Variants in LAMA5 observed in about 807,000 individuals in gnomAD.
LAMA5 encodes the protein laminin subunit alpha-5.
Under a neutral mutation model 433.4 loss-of-function variants are expected in LAMA5, and 260 were observed. The ratio of observed to expected loss-of-function variants is 0.60; its 90% confidence interval spans 0.54 to 0.66. The LOEUF (loss-of-function observed/expected upper bound fraction) is 0.66. Ranked by LOEUF, LAMA5 falls within the 30% of genes least tolerant of loss-of-function variation. LAMA5 has a pLI of 0.00. For missense variants in LAMA5, 5,378 were observed against 5,258.5 expected, an observed-to-expected ratio of 1.02 and a Z score of -0.70; for synonymous variants, 2,620 against 2,226.6, an observed-to-expected ratio of 1.18 and a Z score of -4.97.
At chr20:62,345,929 C>T in intron 10 of LAMA5, 52 bp from the exon 11 acceptor site, 2 of 1,552,870 alleles carry the variant, frequency 1.3e-6, no homozygotes, top group Middle Eastern at 1.7e-4. Flanking sequence ...ACCCTAGCAC[C>T]CTACACCCCC....
rs375474277 is a variant in LAMA5, at chr20:62,312,487, G to C, written c.9273C>G (p.Val3091=). The C allele has an allele frequency of 1.3e-6, 2 of 1,598,506 alleles. No individual in the cohort carries two copies. Among genetic ancestry groups the C allele is most frequent in the African/African-American group, 1.3e-5 (1 of 74,918 alleles). Reference sequence around the variant, plus strand: ...ACTTGCCCAGGGCCTTGATGCCTTTGACGCAGCCACGGACTGAGCCTCCGG... The same window carrying C: ...ACTTGCCCAGGGCCTTGATGCCTTTCACGCAGCCACGGACTGAGCCTCCGG... ...FPTGGSVRGC[V]KGIKALGKYV... Residue 3091 remains valine (V), a synonymous_variant, in exon 68 of 80, where the codon GTC becomes GTG. Coordinates refer to ENST00000252999, the MANE Select transcript of LAMA5 (RefSeq NM_005560.6).
intron 31 of LAMA5, 135 bp downstream of exon 31, chr20:62,330,353 T>C: frequency 7.9e-7 from 1 of 1,271,272 alleles, no homozygotes; most frequent in African/African-American, 1.5e-5. Context: ...CAAGGGCAGC[T>C]AGTTTGAGAA....
chr20:62,339,663 G>T (rs1982278378), intron 11 of LAMA5, among the ~76,000 whole-genome samples: 1 of 152,310 alleles, frequency 6.6e-6, no homozygotes, highest in South Asian at 2.1e-4. Flanking sequence ...TGTCAAAAAT[G>T]TAAGAGTAAC....
At position 62,346,245 on chromosome 20, in the gene LAMA5, G is replaced by A. The variant is rs368341541; in HGVS notation, c.1283-30C>T. On this transcript the variant is annotated intron_variant, in intron 9 of 79. Coordinates refer to ENST00000252999, the MANE Select transcript of LAMA5 (RefSeq NM_005560.6). Reference sequence around the variant, plus strand: ...GCAGGGGCAGGAGCCGGGTAAGCCTGGAGCTACCAGGACTCAAGGGGTGGG... The same window carrying A: ...GCAGGGGCAGGAGCCGGGTAAGCCTAGAGCTACCAGGACTCAAGGGGTGGG... 9.6e-5 allele frequency: 153 copies of A among 1,597,728 alleles called. 1 individual carries two copies. The African/African-American group carries it at 1.6e-3, about 17-fold the overall frequency.
In LAMA5 at chr20:62,311,054, C is replaced by T. The variant is rs1198398128; in HGVS notation, c.10129G>A (p.Gly3377Ser). 2 of 1,601,606 alleles carry T rather than the reference C, an allele frequency of 1.2e-6. No homozygotes were observed. Among genetic ancestry groups the T allele is most frequent in the Non-Finnish European group, 1.7e-6 (2 of 1,174,098 alleles). ...SMHVLPRSSR[G>S]LLLFTARLRP... ...AGACGGGCAGTGAAGAGGAGGAGGC[C>T]TCGGGAGCTTCGCGGGAGGACGTGC... The change falls in exon 74 of 80, where the codon GGC (glycine) becomes AGC (serine). Residue 3377 changes from glycine (G) to serine (S), a missense_variant. By Grantham distance (56) the Gly-to-Ser change is moderately conservative (BLOSUM62 0). Transcript: ENST00000252999.
intron 76 of LAMA5, 21 bp from the exon 77 acceptor site, chr20:62,310,332 G>A (rs889746484): frequency 1.4e-5 from 22 of 1,582,964 alleles, no homozygotes; most frequent in Non-Finnish European, 1.8e-5. Flanking sequence ...GGGTTGTGAT[G>A]GAGAAGAAAG....
intron 11 of LAMA5, among the ~76,000 whole-genome samples, chr20:62,341,457 G>C (rs1433721509): frequency 6.6e-6 from 1 of 152,198 alleles, no homozygotes; most frequent in Non-Finnish European, 1.5e-5. Flanking sequence ...GAGCAGTCCT[G>C]TGTTGTAGGA....
At chr20:62,319,329 CG>C (rs938918259) in intron 51 of LAMA5, among the ~76,000 whole-genome samples, 1 of 152,168 alleles carries the variant, frequency 6.6e-6, no homozygotes, top group African/African-American at 2.4e-5. Context: ...CACCCCCTGC[CG>C]ACCCCCAGGC....
At chr20:62,362,021 C>T (rs889129575) in intron 2 of LAMA5, among the ~76,000 whole-genome samples, 6 of 152,228 alleles carry the variant, frequency 3.9e-5, no homozygotes, top group African/African-American at 1.2e-4. Context: ...GCAGCCCCTC[C>T]CGCACCTGCC....
At chr20:62,318,319 G>C (rs1159833377) in intron 53 of LAMA5, 135 bp downstream of exon 53, 1 of 419,974 alleles carries the variant, frequency 2.4e-6, no homozygotes, top group Non-Finnish European at 4.1e-6. Flanking sequence ...AGAGGAGGAG[G>C]GGGGGAGGAC....
chr20:62,311,737 C>T lies in LAMA5; in HGVS notation c.9683G>A (p.Arg3228Gln), dbSNP rs200112764. Reference protein sequence around the residue: ...DDQLQQMKPHRGPPPELQPQP... With the variant: ...DDQLQQMKPHQGPPPELQPQP... ...CGGCTGGAGCTCGGGGGGTGGTCCC[C>T]GGTGGGGCTTCATCTGCTGGAGCTG... The change falls in exon 71 of 80, where the codon CGG becomes CAG. Residue 3228 changes from arginine (R) to glutamine (Q), a missense_variant. Physicochemically the swap from Arg to Gln is conservative, Grantham distance 43. Coordinates refer to ENST00000252999, the MANE Select transcript of LAMA5 (RefSeq NM_005560.6). The T allele has an allele frequency of 4.2e-5, 66 of 1,560,694 alleles. 1 individual carries two copies. The East Asian group carries it at 1.3e-3, about 30-fold the overall frequency.
At position 62,310,941 on chromosome 20, in the gene LAMA5, G is replaced by A. The variant is rs571274280; in HGVS notation, c.10242C>T (p.Ala3414=). ...CAGGCCGGGAGCGCTGGCGGCTCTG[G>A]GCGCGGAGCCGAGTCCCGAGGCCTT... ...QMEGLGTRLR[A]QSRQRSRPGR... is the part of the protein sequence containing the mutation. The change falls in exon 74 of 80, where the codon GCC becomes GCT. Residue 3414 remains alanine, a synonymous_variant. Transcript: ENST00000252999. 34 of 1,611,162 alleles carry A rather than the reference G, an allele frequency of 2.1e-5. No homozygotes were observed. The East Asian group carries it at 3.6e-4, about 17-fold the overall frequency.
In LAMA5 at chr20:62,311,706, A is replaced by G; in HGVS notation, c.9714T>C (p.Pro3238=). Reference sequence around the variant, plus strand: ...CCAGGAGGAGCCTCGGGGGCCCCTCAGGCTGCGGCTGGAGCTCGGGGGGTG... The same window carrying G: ...CCAGGAGGAGCCTCGGGGGCCCCTCGGGCTGCGGCTGGAGCTCGGGGGGTG... ...RGPPPELQPQ[P]EGPPRLLLGG... Residue 3238 remains proline, a synonymous_variant, in exon 71 of 80, where the codon CCT becomes CCC. Coordinates refer to ENST00000252999, the MANE Select transcript of LAMA5 (RefSeq NM_005560.6). 1 of 1,571,340 alleles carries G rather than the reference A, an allele frequency of 6.4e-7. No individual in the cohort carries two copies. Among genetic ancestry groups the G allele is most frequent in the African/African-American group, 1.3e-5 (1 of 74,116 alleles).
chr20:62,310,706 CA>C lies in LAMA5; in HGVS notation c.10404del (p.Phe3468LeufsTer16). ...GAEHPQPHTLFVGGLPASSHS... is the reference protein window; with the variant it reads ...GAEHPQPHTLXVGGLPASSHS... ...TGGCTGCTGGCCGGGAGGCCGCCCA[CA>C]AAGAGGGTGTGGGGCTGGGGGTGCT... On this transcript the variant is annotated frameshift_variant, in exon 75 of 80. Coordinates refer to ENST00000252999, the MANE Select transcript of LAMA5 (RefSeq NM_005560.6). LOFTEE classifies it high-confidence loss of function. 6.2e-7 allele frequency: 1 copy of C among 1,601,084 alleles called. No individual in the cohort carries two copies.
chr20:62,326,795 G>T (rs369420897), intron 39 of LAMA5, 35 bp from the exon 40 acceptor site: 1 of 1,605,188 alleles, frequency 6.2e-7, no homozygotes, highest in Non-Finnish European at 8.5e-7. Context: ...GGGTTGGCAC[G>T]GGCCTGGACC....
chr20:62,332,257 C>T (rs1056382420), intron 28 of LAMA5, 115 bp downstream of exon 28: 11 of 725,896 alleles, frequency 1.5e-5, no homozygotes, highest in Middle Eastern at 2.9e-4. Flanking sequence ...TGGGCATGAG[C>T]GAGTGTGGCC....
intron 6 of LAMA5, among the ~76,000 whole-genome samples, chr20:62,347,585 T>C (rs1378698716): frequency 3.3e-5 from 5 of 152,212 alleles, no homozygotes; most frequent in Admixed American, 3.3e-4. Flanking sequence ...GGCCAAGAAC[T>C]GCTTCCTTCT....
At position 62,310,727 on chromosome 20, in the gene LAMA5, G is replaced by C; in HGVS notation, c.10384C>G (p.Pro3462Ala). 1 of 1,593,516 alleles carries C rather than the reference G, an allele frequency of 6.3e-7. No individual in the cohort carries two copies. The highest frequency in any genetic ancestry group is 8.5e-7 in the Non-Finnish European group (1 of 1,173,258). Residue 3462 changes from proline to alanine, a missense_variant, in exon 75 of 80, where the codon CCC becomes GCC. Transcript: ENST00000252999. ...PHRQHQGAEHPQPHTLFVGGL... is the reference protein window; with the variant it reads ...PHRQHQGAEHAQPHTLFVGGL... Reference sequence around the variant, plus strand: ...CCCACAAAGAGGGTGTGGGGCTGGGGGTGCTCTGCCCCCTGGTGCTGCCGG... The same window carrying C: ...CCCACAAAGAGGGTGTGGGGCTGGGCGTGCTCTGCCCCCTGGTGCTGCCGG...
At position 62,334,010 on chromosome 20, in the gene LAMA5, G is replaced by A. The variant is rs1477674860; in HGVS notation, c.2769C>T (p.Thr923=). ...QPRIVARLNL[T]SPDLFWLVFR... is the part of the protein sequence containing the mutation. ...AGACGAGCCAGAAAAGGTCAGGGGAGGTCAGGTTCAGCCTGGCCACGATCC... is the reference window on the plus strand; with the variant it reads ...AGACGAGCCAGAAAAGGTCAGGGGAAGTCAGGTTCAGCCTGGCCACGATCC... The change falls in exon 23 of 80, where the codon ACC becomes ACT. Residue 923 remains threonine, a synonymous_variant. Transcript: ENST00000252999. 2.5e-6 allele frequency: 4 copies of A among 1,612,988 alleles called. No individual in the cohort carries two copies. The highest frequency in any genetic ancestry group is 3.4e-6 in the Non-Finnish European group (4 of 1,179,844).
Sources: allele counts gnomAD v4.1 joint callset (sites outside exome capture counted in the v4.1 genomes callset), GRCh38; gene constraint gnomAD v4.1.1; transcripts MANE v1.5; gene names NCBI Gene and HGNC (gene_info 2026-07-23, HGNC 2026-07-21).